Variants in XKR6 observed in about 807,000 individuals in gnomAD.
XKR6 encodes the protein XK-related protein 6.
In XKR6, 22 loss-of-function variants were observed where a neutral mutation model predicts 56.7. That is an observed-to-expected ratio of 0.39 (90% CI 0.28 to 0.55). The LOEUF (loss-of-function observed/expected upper bound fraction) is 0.55, where lower values mean the gene tolerates loss of function less well. XKR6 is among the 20% of genes least tolerant of loss of function. XKR6 has a pLI of 0.66. For synonymous variants in XKR6, 524 were observed against 387.8 expected (o/e 1.35, Z -4.13); for missense variants, 852 against 889.0 (o/e 0.96, Z 0.53).
At chr8:11,001,894 T>C (rs573419150) in intron 1 of XKR6, among the ~76,000 whole-genome samples, 1 of 152,118 alleles carries the variant, frequency 6.6e-6, no homozygotes, top group African/African-American at 2.4e-5. Context: ...AGAGCCCTGG[T>C]CCCTCTGCTG....
intron 1 of XKR6, among the ~76,000 whole-genome samples, chr8:11,142,948 G>A (rs1800780527): frequency 6.6e-6 from 1 of 152,124 alleles, no homozygotes; most frequent in Non-Finnish European, 1.5e-5. Context: ...ACGTTCTAAG[G>A]ATGACAGGAA....
intron 1 of XKR6, among the ~76,000 whole-genome samples, chr8:11,149,069 G>C (rs1385417768): frequency 6.6e-6 from 1 of 152,214 alleles, no homozygotes; most frequent in Admixed American, 6.5e-5. Context: ...CTCAGGACCT[G>C]AATGTTTGTG....
chr8:11,179,020 CTTTTTTTTTTTT>C (rs35214787), intron 1 of XKR6, among the ~76,000 whole-genome samples: 1 of 104,522 alleles, frequency 9.6e-6, no homozygotes, highest in East Asian at 2.2e-4. Context: ...TTTTCTTTTT[CTTTTTTTTTTTT>C]TTTTTTTGGA....
At chr8:10,971,647 G>A (rs894448429) in intron 1 of XKR6, among the ~76,000 whole-genome samples, 1 of 151,960 alleles carries the variant, frequency 6.6e-6, no homozygotes, top group Non-Finnish European at 1.5e-5. Flanking sequence ...CCTGCCCAGC[G>A]GTCCTAACTA....
intron 1 of XKR6, among the ~76,000 whole-genome samples, chr8:10,970,345 G>C (rs1269844292): frequency 6.6e-6 from 1 of 152,202 alleles, no homozygotes; most frequent in African/African-American, 2.4e-5. Flanking sequence ...TGAGGGCACT[G>C]GACCAAACAT....
intron 1 of XKR6, chr8:11,035,318 T>C (rs367810436): frequency 2.2e-5 from 12 of 534,698 alleles, no homozygotes; most frequent in South Asian, 4.2e-5. Flanking sequence ...TCCTGCGTTG[T>C]GGCAGCTTGG....
At chr8:11,180,280 G>C (rs1241471728) in intron 1 of XKR6, among the ~76,000 whole-genome samples, 1 of 152,250 alleles carries the variant, frequency 6.6e-6, no homozygotes, top group Non-Finnish European at 1.5e-5. Context: ...AGAGCATAAA[G>C]AATGGCTGGA....
At chr8:10,928,197 G>A (rs1169035316) in intron 1 of XKR6, among the ~76,000 whole-genome samples, 1 of 152,180 alleles carries the variant, frequency 6.6e-6, no homozygotes, top group African/African-American at 2.4e-5. Flanking sequence ...TCAGTGCTGT[G>A]GGGCCCGGAC....
At chr8:10,997,265 T>G (rs534337505) in intron 1 of XKR6, among the ~76,000 whole-genome samples, 6 of 152,170 alleles carry the variant, frequency 3.9e-5, no homozygotes, top group Non-Finnish European at 2.9e-5. Flanking sequence ...ACATACCTGT[T>G]TTTTTCTGTG....
intron 1 of XKR6, among the ~76,000 whole-genome samples, chr8:11,193,544 C>T (rs73665025): frequency 0.025 from 3,764 of 152,128 alleles, 169 homozygotes; most frequent in African/African-American, 0.084. Flanking sequence ...CCTAAAAATT[C>T]GACTAGTGTC....
rs569945379 is a variant in XKR6 at position 10,907,827 on chromosome 8, G to T, written c.962-8911C>A. Among the ~76,000 whole-genome samples, 19 of 152,298 alleles carry T rather than the reference G, an allele frequency of 1.2e-4. No individual in the cohort carries two copies. In the East Asian group the frequency reaches 2.5e-3, roughly 20 times the overall value. Reference sequence around the variant, plus strand: ...GTCTACACAGCCGAGGACCCACCCCGCGGAGGCCCTGCCTGAGTGTTCAAG... The same window carrying T: ...GTCTACACAGCCGAGGACCCACCCCTCGGAGGCCCTGCCTGAGTGTTCAAG... On this transcript the variant is annotated intron_variant, in intron 2 of 2. Transcript: ENST00000416569.
intron 1 of XKR6, among the ~76,000 whole-genome samples, chr8:10,930,523 C>T (rs1479697791): frequency 6.6e-6 from 1 of 152,160 alleles, no homozygotes; most frequent in Non-Finnish European, 1.5e-5. Context: ...CAACATCTCC[C>T]ATAAACATAG....
chr8:11,034,577 T>A (rs1462535040), intron 1 of XKR6, among the ~76,000 whole-genome samples: 1 of 151,996 alleles, frequency 6.6e-6, no homozygotes, highest in African/African-American at 2.4e-5. Context: ...AGGAAGGGAG[T>A]GACATGCACC....
intron 1 of XKR6, among the ~76,000 whole-genome samples, chr8:10,974,991 C>G (rs1802510053): frequency 6.6e-6 from 1 of 152,084 alleles, no homozygotes; most frequent in Admixed American, 6.5e-5. Flanking sequence ...TTTTACCAAG[C>G]TTTTTTTTAA....
chr8:11,038,589 C>T (rs10101901), intron 1 of XKR6, among the ~76,000 whole-genome samples: 56,760 of 149,956 alleles, frequency 0.38, 13,988 homozygotes, highest in African/African-American at 0.71. Context: ...GGCTGGAGTG[C>T]AGTTGTATGA....
intron 1 of XKR6, among the ~76,000 whole-genome samples, chr8:11,046,915 G>A (rs990742708): frequency 6.6e-6 from 1 of 152,142 alleles, no homozygotes; most frequent in Non-Finnish European, 1.5e-5. Flanking sequence ...AATACTACAT[G>A]ATCTCGCTTA....
intron 1 of XKR6, among the ~76,000 whole-genome samples, chr8:10,980,456 T>C (rs1364399889): frequency 1.3e-5 from 2 of 152,216 alleles, no homozygotes; most frequent in Non-Finnish European, 2.9e-5. Context: ...GGAATGTCAG[T>C]TCCATGAGGA....
At chr8:11,120,657 G>T (rs1308700340) in intron 1 of XKR6, among the ~76,000 whole-genome samples, 4 of 152,142 alleles carry the variant, frequency 2.6e-5, no homozygotes, top group Admixed American at 6.5e-5. Flanking sequence ...AGCTACCAAT[G>T]ACTTTCTTCA....
intron 1 of XKR6, among the ~76,000 whole-genome samples, chr8:11,183,537 G>C (rs1373768415): frequency 6.6e-6 from 1 of 151,510 alleles, no homozygotes; most frequent in African/African-American, 2.4e-5. Flanking sequence ...GGCTCAAGCT[G>C]GTCTTGAACT....
Sources: gnomAD v4.1 joint callset for allele counts (sites outside exome capture counted in the v4.1 genomes callset) on GRCh38, gnomAD v4.1.1 for gene constraint, MANE v1.5 for transcripts, NCBI Gene and HGNC (gene_info 2026-07-23, HGNC 2026-07-21) for gene names.